CA10: variants seen among roughly 807,000 people sequenced by gnomAD.
CA10 encodes the protein carbonic anhydrase 10 (inactive).
In CA10, 14 loss-of-function variants were observed where a neutral mutation model predicts 44.2. That is an observed-to-expected ratio of 0.32 (90% confidence interval 0.21 to 0.50). The LOEUF (loss-of-function observed/expected upper bound fraction) is 0.50, where lower values mean the gene tolerates loss of function less well. Ranked by LOEUF, CA10 falls within the 20% of genes least tolerant of loss-of-function variation. The pLI, the probability that CA10 is intolerant of heterozygous loss-of-function variation, is 0.99. For synonymous variants in CA10, 159 were observed against 141.6 expected, an observed-to-expected ratio of 1.12 and a Z score of -0.87; for missense variants, 350 against 409.7, an observed-to-expected ratio of 0.85 and a Z score of 1.26.
chr17:51,816,172 T>C (rs1173111555), intron 3 of CA10, among the ~76,000 whole-genome samples: 1 of 152,228 alleles, frequency 6.6e-6, no homozygotes, highest in African/African-American at 2.4e-5. Flanking sequence ...ACATGCAATG[T>C]TTGTCTGTGC....
intron 2 of CA10, among the ~76,000 whole-genome samples, chr17:52,048,828 G>T (rs555629371): frequency 6.6e-6 from 1 of 152,102 alleles, no homozygotes; most frequent in South Asian, 2.1e-4. Context: ...GATGGCTTTG[G>T]CTACCAGGAG....
At chr17:51,840,598 G>GTT (rs1978311950) in intron 3 of CA10, among the ~76,000 whole-genome samples, 1 of 152,074 alleles carries the variant, frequency 6.6e-6, no homozygotes, top group African/African-American at 2.4e-5. Flanking sequence ...ACTCTTTCCT[G>GTT]TGTTTTTGAC....
intron 1 of CA10, among the ~76,000 whole-genome samples, chr17:52,123,652 A>G (rs1470888097): frequency 6.6e-6 from 1 of 152,220 alleles, no homozygotes; most frequent in Non-Finnish European, 1.5e-5. Flanking sequence ...TAATTCATTA[A>G]GAAAATAACA....
At chr17:51,819,345 T>G (rs1012948509) in intron 3 of CA10, among the ~76,000 whole-genome samples, 7 of 152,200 alleles carry the variant, frequency 4.6e-5, no homozygotes, top group African/African-American at 1.7e-4. Flanking sequence ...GCCTCCTTCC[T>G]GGCCACAGAG....
intron 3 of CA10, among the ~76,000 whole-genome samples, chr17:51,844,144 A>G (rs1978391252): frequency 6.6e-6 from 1 of 152,120 alleles, no homozygotes; most frequent in Admixed American, 6.6e-5. Flanking sequence ...TGTGACAGAA[A>G]CATTACTAGA....
intron 3 of CA10, among the ~76,000 whole-genome samples, chr17:51,834,194 A>G (rs1224770568): frequency 6.6e-6 from 1 of 152,180 alleles, no homozygotes; most frequent in Non-Finnish European, 1.5e-5. Flanking sequence ...CTTCAAATTG[A>G]TCTTGGATGC....
At chr17:51,862,062 A>G (rs555980400) in intron 3 of CA10, among the ~76,000 whole-genome samples, 1 of 152,206 alleles carries the variant, frequency 6.6e-6, no homozygotes, top group Non-Finnish European at 1.5e-5. Flanking sequence ...ACCAGATACA[A>G]CAGCCACCCT....
intron 3 of CA10, among the ~76,000 whole-genome samples, chr17:51,914,913 G>A (rs903042099): frequency 1.3e-5 from 2 of 152,102 alleles, no homozygotes; most frequent in African/African-American, 4.8e-5. Context: ...GTCATTTGGG[G>A]AACTAAATGA....
chr17:51,822,439 CAA>C (rs1217190086), intron 3 of CA10, among the ~76,000 whole-genome samples: 4 of 151,766 alleles, frequency 2.6e-5, no homozygotes, highest in African/African-American at 2.4e-5. Context: ...AAAACAAAAA[CAA>C]AAACAAAAAA....
At chr17:51,853,849 G>A (rs1055476128) in intron 3 of CA10, among the ~76,000 whole-genome samples, 2 of 152,170 alleles carry the variant, frequency 1.3e-5, no homozygotes, top group Non-Finnish European at 2.9e-5. Context: ...CGAAGAAGGT[G>A]TCTGCTTCCC....
At chr17:51,746,760 G>C (rs1022898665) in intron 4 of CA10, among the ~76,000 whole-genome samples, 1 of 152,140 alleles carries the variant, frequency 6.6e-6, no homozygotes, top group African/African-American at 2.4e-5. Context: ...CATTAAGATT[G>C]TGGGTCTGTT....
chr17:51,887,655 GATAAA>G (rs902408499), intron 3 of CA10, among the ~76,000 whole-genome samples: 6 of 152,070 alleles, frequency 3.9e-5, no homozygotes, highest in East Asian at 1.9e-4. Flanking sequence ...TTATTGTGAA[GATAAA>G]ATAAAATAAA....
intron 3 of CA10, among the ~76,000 whole-genome samples, chr17:51,749,295 T>G (rs1302363752): frequency 6.6e-6 from 1 of 152,248 alleles, no homozygotes; most frequent in Non-Finnish European, 1.5e-5. Flanking sequence ...TCACTTACTT[T>G]GGCCAACAGC....
rs368948780 is a variant in CA10, at chr17:51,755,311, G to T, written c.280-7493C>A. 5.9e-5 allele frequency among the ~76,000 whole-genome samples: 9 copies of T among 152,206 alleles called. No individual in the cohort carries two copies. The East Asian group carries it at 9.6e-4, about 16-fold the overall frequency. ...AGGAAGAGGTATATCTTTTTATAAA[G>T]ACCAATTCACAAAATACACATGTCA... On this transcript the variant is annotated intron_variant, in intron 3 of 8. Coordinates refer to ENST00000451037, the MANE Select transcript of CA10 (RefSeq NM_020178.5).
In CA10 at chr17:51,830,220, A is replaced by G. The variant is rs569236710; in HGVS notation, c.280-82402T>C. 2.0e-5 allele frequency among the ~76,000 whole-genome samples: 3 copies of G among 151,470 alleles called. 1 individual carries two copies. In the South Asian group the frequency reaches 6.2e-4, roughly 32 times the overall value. On this transcript the variant is annotated intron_variant, in intron 3 of 8. Coordinates refer to ENST00000451037, the MANE Select transcript of CA10 (RefSeq NM_020178.5). ...CAAAAAAAAAAAAAAAAAAAAAGAA[A>G]AAGAAAAAAAAGAAAAAAGTCAAGA...
chr17:51,760,241 CA>C (rs1389295973), intron 3 of CA10, among the ~76,000 whole-genome samples: 1 of 152,186 alleles, frequency 6.6e-6, no homozygotes, highest in Non-Finnish European at 1.5e-5. Flanking sequence ...GTAGAAATAG[CA>C]AATGTTTGGG....
chr17:51,822,673 A>G (rs1029965319), intron 3 of CA10, among the ~76,000 whole-genome samples: 2 of 152,228 alleles, frequency 1.3e-5, no homozygotes, highest in Non-Finnish European at 2.9e-5. Context: ...AAATGTAAGT[A>G]GGAAGAATGT....
rs550278493 is a variant in CA10 at position 51,808,803 on chromosome 17, C to T, written c.280-60985G>A. ...GTATACTAAATGTCAACAATGATTA[C>T]GTTTAGGTAGGAGAACTAGAGTATA... On this transcript the variant is annotated intron_variant, in intron 3 of 8. Transcript: ENST00000451037. Among the ~76,000 whole-genome samples the T allele has an allele frequency of 1.1e-4, 16 of 152,190 alleles. No individual in the cohort carries two copies. The East Asian group carries it at 2.1e-3, about 20-fold the overall frequency.
chr17:51,760,355 TCTCACTATGACTGCTGTGCTCTAGGACA>T (rs1426186243), intron 3 of CA10, among the ~76,000 whole-genome samples: 4 of 152,356 alleles, frequency 2.6e-5, no homozygotes, highest in Non-Finnish European at 5.9e-5. Flanking sequence ...ATAGGCTCTC[TCTCACTATGACTGCTGTGCTCTAGGACA>T]CACTGAAGAC....
Sources: allele counts gnomAD v4.1 joint callset (sites outside exome capture counted in the v4.1 genomes callset), GRCh38; gene constraint gnomAD v4.1.1; transcripts MANE v1.5; gene names NCBI Gene and HGNC (gene_info 2026-07-23, HGNC 2026-07-21).